The following INSL6 variants were observed in gnomAD, a reference collection of about 807,000 sequenced individuals.
The protein encoded by INSL6 is insulin-like peptide INSL6.
Under a neutral mutation model 9.4 loss-of-function variants are expected in INSL6, and 16 were observed. The ratio of observed to expected loss-of-function variants is 1.70; its 90% CI spans 1.15 to 2.59. The LOEUF is 2.59. Among genes scored for constraint, INSL6 ranks in the 30% most tolerant of loss-of-function variants. The pLI, the probability that INSL6 is intolerant of heterozygous loss-of-function variation, is 0.00. For missense variants in INSL6, 391 were observed against 257.3 expected (o/e 1.52, Z -3.56); for synonymous variants, 154 against 96.9 (o/e 1.59, Z -3.46).
the INSL6 span, chr9:5,029,797 T>A: frequency 1.9e-6 from 3 of 1,610,796 alleles, no homozygotes; most frequent in Non-Finnish European, 2.5e-6. Flanking sequence ...CACACCTGTG[T>A]ATCATAATAT....
intron 2 of INSL6, among the ~76,000 whole-genome samples, chr9:5,153,376 G>C (rs1359911333): frequency 6.6e-6 from 1 of 152,208 alleles, no homozygotes; most frequent in Non-Finnish European, 1.5e-5. Context: ...CGCCATTGCT[G>C]AGGCTTGAGT....
chr9:5,116,771 T>C, the INSL6 span, among the ~76,000 whole-genome samples: 2 of 152,176 alleles, frequency 1.3e-5, no homozygotes, highest in Admixed American at 1.3e-4. Context: ...TTTGACGTGA[T>C]AGGCAAATTC....
At chr9:5,046,324 A>C in the INSL6 span, among the ~76,000 whole-genome samples, 1 of 152,194 alleles carries the variant, frequency 6.6e-6, no homozygotes, top group Non-Finnish European at 1.5e-5. Flanking sequence ...TATAAGATAC[A>C]TGATTTGTAG....
At chr9:5,073,494 A>C in the INSL6 span, among the ~76,000 whole-genome samples, 1 of 152,118 alleles carries the variant, frequency 6.6e-6, no homozygotes, top group Non-Finnish European at 1.5e-5. Context: ...TTTGATCTCC[A>C]TATTCCAGGC....
downstream of INSL6, among the ~76,000 whole-genome samples, chr9:5,161,843 G>A (rs1247169922): frequency 3.3e-5 from 5 of 152,082 alleles, no homozygotes; most frequent in African/African-American, 1.2e-4. Flanking sequence ...ACTTTGGGAG[G>A]CCAAGGTGGG....
chr9:5,119,980 ACTGT>A (rs1388527942), downstream of INSL6, among the ~76,000 whole-genome samples: 6 of 152,184 alleles, frequency 3.9e-5, no homozygotes, highest in Non-Finnish European at 8.8e-5. Flanking sequence ...AATAATAAAC[ACTGT>A]CTTAGTCCCT....
At chr9:5,114,195 T>TTAAAAAA in the INSL6 span, 1 of 472,898 alleles carries the variant, frequency 2.1e-6, no homozygotes, top group South Asian at 1.8e-5. Flanking sequence ...GGTGAGCACC[T>TTAAAAAA]ACCTGAGCCG....
At chr9:5,101,687 T>TCAGGCAGCAA in the INSL6 span, among the ~76,000 whole-genome samples, 4 of 152,162 alleles carry the variant, frequency 2.6e-5, no homozygotes, top group Admixed American at 6.5e-5. Flanking sequence ...AGAGGAAGGA[T>TCAGGCAGCAA]CAGGCAGCAA....
At chr9:5,120,543 A>C (rs1349588943), downstream of INSL6, among the ~76,000 whole-genome samples, 2 of 152,140 alleles carry the variant, frequency 1.3e-5, no homozygotes, top group South Asian at 4.1e-4. Flanking sequence ...CTGGGGGAAA[A>C]AGTGCCTCTG....
chr9:5,149,427 C>T (rs959321737), intron 2 of INSL6, among the ~76,000 whole-genome samples: 2 of 152,148 alleles, frequency 1.3e-5, no homozygotes, highest in African/African-American at 4.8e-5. Flanking sequence ...ACCATGATCT[C>T]AGCAGCATTT....
At chr9:5,039,286 G>C in the INSL6 span, among the ~76,000 whole-genome samples, 1 of 151,930 alleles carries the variant, frequency 6.6e-6, no homozygotes, top group South Asian at 2.1e-4. Flanking sequence ...AAAATACTTG[G>C]AAAAAAAGTT....
At position 5,152,855 on chromosome 9, in the gene INSL6, A is replaced by G. The variant is rs904004187; in HGVS notation, c.376+11324T>C. ...CATTTCCAACTAAGGTACCACATTC[A>G]TCTCATTGGGACTGGTTAGAGAGTG... is the stretch of plus-strand genomic sequence containing the variant. On this transcript the variant is annotated intron_variant, in intron 2 of 3. Transcript: ENST00000649639. Among the ~76,000 whole-genome samples the G allele has an allele frequency of 8.5e-5, 13 of 152,284 alleles. No individual in the cohort carries two copies. In the East Asian group the frequency reaches 9.7e-4, roughly 11 times the overall value.
chr9:5,151,029 G>C (rs1263303034), intron 2 of INSL6, among the ~76,000 whole-genome samples: 1 of 152,122 alleles, frequency 6.6e-6, no homozygotes, highest in Non-Finnish European at 1.5e-5. Context: ...CCTAAATAAT[G>C]TACACACATG....
chr9:5,170,263 G>C (rs1258082487), intron 1 of INSL6, among the ~76,000 whole-genome samples: 2 of 152,102 alleles, frequency 1.3e-5, no homozygotes, highest in Admixed American at 6.5e-5. Flanking sequence ...CTGGGTAAAT[G>C]ATAAAATTAA....
the INSL6 span, chr9:5,022,041 T>C: frequency 6.2e-7 from 1 of 1,614,172 alleles, no homozygotes; most frequent in Non-Finnish European, 8.5e-7. Flanking sequence ...CCACCTCTTC[T>C]ATATATCAGA....
At chr9:5,045,456 A>T in the INSL6 span, among the ~76,000 whole-genome samples, 26 of 152,334 alleles carry the variant, frequency 1.7e-4, no homozygotes, top group Middle Eastern at 3.4e-3. Context: ...TTAAGTGTAC[A>T]GTTCAGTTGT....
chr9:5,163,656 T>C (rs1824975458), downstream of INSL6, among the ~76,000 whole-genome samples: 1 of 152,098 alleles, frequency 6.6e-6, no homozygotes, highest in African/African-American at 2.4e-5. Context: ...TAATGACAAG[T>C]GAACAGGTAA....
At chr9:5,160,198 TTAGG>T (rs1824897435), downstream of INSL6, among the ~76,000 whole-genome samples, 1 of 144,640 alleles carries the variant, frequency 6.9e-6, no homozygotes, top group African/African-American at 2.6e-5. Context: ...AAAAAAAAAG[TTAGG>T]CCACAAAACA....
chr9:5,131,773 T>C (rs1315050678), intron 3 of INSL6, among the ~76,000 whole-genome samples: 1 of 152,170 alleles, frequency 6.6e-6, no homozygotes, highest in Non-Finnish European at 1.5e-5. Flanking sequence ...AACCAAGGTA[T>C]ATAAGCCGTC....
Sources: allele counts gnomAD v4.1 joint callset (sites outside exome capture counted in the v4.1 genomes callset), GRCh38; gene constraint gnomAD v4.1.1; transcripts MANE v1.5; gene names NCBI Gene and HGNC (gene_info 2026-07-23, HGNC 2026-07-21).